Variants in KCNH8 observed in about 807,000 individuals in gnomAD.
The protein encoded by KCNH8 is voltage-gated delayed rectifier potassium channel KCNH8.
In KCNH8, 70 loss-of-function variants were observed where a neutral mutation model predicts 103.6. That is an observed-to-expected ratio of 0.68 (90% CI 0.56 to 0.82). The LOEUF (loss-of-function observed/expected upper bound fraction) is 0.82, where lower values mean the gene tolerates loss of function less well. Ranked by LOEUF, KCNH8 falls within the 40% of genes least tolerant of loss-of-function variation. The probability of loss-of-function intolerance (pLI) is 0.00; values close to 1 mark genes in which losing one functional copy is unlikely to be tolerated. For missense variants in KCNH8, 1,217 were observed against 1,329.9 expected (o/e 0.92, Z 1.32); for synonymous variants, 498 against 489.4 (o/e 1.02, Z -0.23).
intron 1 of KCNH8, among the ~76,000 whole-genome samples, chr3:19,200,911 A>G (rs528786197): frequency 1.4e-4 from 22 of 152,150 alleles, no homozygotes; most frequent in African/African-American, 4.1e-4. Context: ...AAAAAAAATT[A>G]TATATAAGCC....
chr3:19,255,894 C>A (rs914896170), intron 2 of KCNH8, among the ~76,000 whole-genome samples: 1 of 152,088 alleles, frequency 6.6e-6, no homozygotes, highest in Non-Finnish European at 1.5e-5. Flanking sequence ...TGCAGAGCAA[C>A]AAGATAGAAG....
chr3:19,356,036 G>A (rs2065878112), intron 5 of KCNH8, among the ~76,000 whole-genome samples: 1 of 151,626 alleles, frequency 6.6e-6, no homozygotes, highest in African/African-American at 2.4e-5. Context: ...TACAAAAAGG[G>A]TCTAGGAAGG....
chr3:19,232,588 G>C (rs2064008909), intron 1 of KCNH8, among the ~76,000 whole-genome samples: 1 of 152,148 alleles, frequency 6.6e-6, no homozygotes, highest in Non-Finnish European at 1.5e-5. Flanking sequence ...AAATCAGTTA[G>C]GAAAAAGAAT....
intron 5 of KCNH8, among the ~76,000 whole-genome samples, chr3:19,351,053 G>A (rs1402170782): frequency 6.6e-6 from 1 of 152,080 alleles, no homozygotes; most frequent in Non-Finnish European, 1.5e-5. Context: ...ACCTGATGGA[G>A]CTGAAAACCA....
chr3:19,236,833 T>C (rs537308172), intron 1 of KCNH8, among the ~76,000 whole-genome samples: 35 of 152,376 alleles, frequency 2.3e-4, no homozygotes, highest in African/African-American at 8.2e-4. Context: ...ACTCTAGGTT[T>C]CAACATCCTA....
At chr3:19,191,627 T>C (rs1427147496) in intron 1 of KCNH8, among the ~76,000 whole-genome samples, 1 of 151,736 alleles carries the variant, frequency 6.6e-6, no homozygotes, top group Admixed American at 6.6e-5. Flanking sequence ...TAGATGCATG[T>C]TAGCCTTTCA....
intron 5 of KCNH8, among the ~76,000 whole-genome samples, chr3:19,378,371 TC>T (rs1335469970): frequency 2.0e-5 from 3 of 152,196 alleles, no homozygotes; most frequent in African/African-American, 7.2e-5. Flanking sequence ...ACTGTGTTTT[TC>T]ATTGTACAAT....
intron 11 of KCNH8, among the ~76,000 whole-genome samples, chr3:19,509,608 G>C (rs889120648): frequency 6.6e-6 from 1 of 152,144 alleles, no homozygotes; most frequent in Non-Finnish European, 1.5e-5. Context: ...TCAAGCCTAA[G>C]TGAATAAGAT....
At chr3:19,495,686 G>T (rs924455068) in intron 11 of KCNH8, among the ~76,000 whole-genome samples, 1 of 151,662 alleles carries the variant, frequency 6.6e-6, no homozygotes, top group Non-Finnish European at 1.5e-5. Context: ...TGCTATTCAG[G>T]CTCTTTTTTA....
At chr3:19,387,787 TG>T (rs1199205142) in intron 5 of KCNH8, among the ~76,000 whole-genome samples, 2 of 152,178 alleles carry the variant, frequency 1.3e-5, no homozygotes, top group Non-Finnish European at 2.9e-5. Flanking sequence ...ATTATCTCTT[TG>T]TGTATAAAAG....
intron 8 of KCNH8, 130 bp from the exon 9 acceptor site, chr3:19,449,976 A>G: frequency 1.4e-6 from 1 of 702,446 alleles, no homozygotes; most frequent in South Asian, 1.9e-5. Flanking sequence ...GTACCAAAAT[A>G]GCTGTATCAA....
chr3:19,196,653 G>A (rs1409653519), intron 1 of KCNH8, among the ~76,000 whole-genome samples: 1 of 151,968 alleles, frequency 6.6e-6, no homozygotes, highest in Non-Finnish European at 1.5e-5. Flanking sequence ...GCTTGGTGGA[G>A]GCTAAATTGA....
chr3:19,205,684 G>A (rs1559421989), intron 1 of KCNH8, among the ~76,000 whole-genome samples: 1 of 151,878 alleles, frequency 6.6e-6, no homozygotes, highest in East Asian at 1.9e-4. Flanking sequence ...CATCAAGGAA[G>A]ATCTCTGTGA....
At chr3:19,175,466 C>A (rs917592959) in intron 1 of KCNH8, among the ~76,000 whole-genome samples, 4 of 152,152 alleles carry the variant, frequency 2.6e-5, no homozygotes, top group Non-Finnish European at 4.4e-5. Flanking sequence ...GCCTCGGCCT[C>A]CCAAAGTGCT....
At chr3:19,529,284 T>G (rs1303564219) in intron 15 of KCNH8, among the ~76,000 whole-genome samples, 1 of 152,194 alleles carries the variant, frequency 6.6e-6, no homozygotes, top group South Asian at 2.1e-4. Flanking sequence ...AGAACGATTT[T>G]GTTTGTTTTA....
intron 11 of KCNH8, among the ~76,000 whole-genome samples, chr3:19,487,533 T>C (rs2068235714): frequency 6.6e-6 from 1 of 152,174 alleles, no homozygotes; most frequent in Non-Finnish European, 1.5e-5. Flanking sequence ...AACCGGATAC[T>C]GCTTTTGTCT....
intron 3 of KCNH8, among the ~76,000 whole-genome samples, chr3:19,297,499 A>G (rs2065011499): frequency 6.6e-6 from 1 of 152,206 alleles, no homozygotes; most frequent in Non-Finnish European, 1.5e-5. Context: ...TAGATAGTTC[A>G]GCTTTTTATT....
chr3:19,260,487 G>GATATATATATAT (rs57661437), intron 2 of KCNH8, among the ~76,000 whole-genome samples: 8 of 40,032 alleles, frequency 2.0e-4, no homozygotes, highest in East Asian at 8.1e-4. Context: ...TACTCTATAG[G>GATATATATATAT]ATATATATAT....
intron 1 of KCNH8, among the ~76,000 whole-genome samples, chr3:19,241,569 T>G (rs563862866): frequency 1.2e-4 from 19 of 152,292 alleles, no homozygotes; most frequent in African/African-American, 4.6e-4. Context: ...AGAAATGAGT[T>G]TTCTCATGAA....
Sources: gnomAD v4.1 joint callset for allele counts (sites outside exome capture counted in the v4.1 genomes callset) on GRCh38, gnomAD v4.1.1 for gene constraint, MANE v1.5 for transcripts, NCBI Gene and HGNC (gene_info 2026-07-23, HGNC 2026-07-21) for gene names.